FSD1L: variants seen among roughly 807,000 people sequenced by gnomAD.
FSD1L encodes fibronectin type III and SPRY domain containing 1 like.
A neutral mutation model predicts 71.6 loss-of-function variants in FSD1L; 45 were observed. The observed-to-expected ratio is 0.63, with a 90% CI of 0.49 to 0.81. FSD1L has a LOEUF of 0.81. Ranked by LOEUF, FSD1L falls within the 30% of genes least tolerant of loss-of-function variation. The pLI is 0.00. For synonymous variants in FSD1L, 197 were observed against 207.2 expected (o/e 0.95, Z 0.42); for missense variants, 561 against 618.1 (o/e 0.91, Z 0.98).
intron 9 of FSD1L, among the ~76,000 whole-genome samples, chr9:105,509,194 C>G (rs1267817241): frequency 6.6e-6 from 1 of 152,110 alleles, no homozygotes; most frequent in Non-Finnish European, 1.5e-5. Context: ...CTTGAGAGAT[C>G]AATATGCTAG....
intron 3 of FSD1L, among the ~76,000 whole-genome samples, chr9:105,465,508 T>G (rs1299661298): frequency 1.3e-5 from 2 of 152,052 alleles, no homozygotes; most frequent in African/African-American, 4.8e-5. Context: ...AAATCCTCAA[T>G]AAAATACTAG....
At chr9:105,517,537 C>A (rs942662898) in intron 10 of FSD1L, among the ~76,000 whole-genome samples, 6 of 152,136 alleles carry the variant, frequency 3.9e-5, no homozygotes, top group African/African-American at 1.4e-4. Context: ...ATTTTCAACC[C>A]AGAATTTCAT....
chr9:105,464,539 A>G (rs1232949943), intron 3 of FSD1L, among the ~76,000 whole-genome samples: 2 of 152,234 alleles, frequency 1.3e-5, no homozygotes, highest in African/African-American at 4.8e-5. Flanking sequence ...AAACTCTGGA[A>G]TAGTAGTTGT....
chr9:105,546,771 T>C lies in FSD1L; in HGVS notation c.*288T>C, dbSNP rs1347868541. 1 of 193,484 alleles carries C rather than the reference T, an allele frequency of 5.2e-6. No individual in the cohort carries two copies. Among genetic ancestry groups the C allele is most frequent in the Non-Finnish European group, 1.0e-5 (1 of 97,340 alleles). The allele number at this position is 193,484 out of a possible 1,614,324, so 12.0% of individuals were successfully genotyped here. On this transcript the variant is annotated 3_prime_UTR_variant, in exon 14 of 14. Transcript: ENST00000481272. Reference sequence around the variant, plus strand: ...CTCATTTTTGTATTTCTTGGATTACTTTGACTATTCTAATGTTTAATTACA... The same window carrying C: ...CTCATTTTTGTATTTCTTGGATTACCTTGACTATTCTAATGTTTAATTACA...
In FSD1L at chr9:105,531,360, C is replaced by A. The variant is rs141507533; in HGVS notation, c.1026-3133C>A. Among the ~76,000 whole-genome samples the A allele has an allele frequency of 5.5e-3, 843 of 152,318 alleles. 10 individuals carry two copies. Among genetic ancestry groups the A allele is most frequent in the African/African-American group, 0.02 (816 of 41,578 alleles). ...TTTAACCTCTCCTCTCCTTTCATTTCATTCTTACCTAGTTACCCAAAACAA... is the reference window on the plus strand; with the variant it reads ...TTTAACCTCTCCTCTCCTTTCATTTAATTCTTACCTAGTTACCCAAAACAA... On this transcript the variant is annotated intron_variant, in intron 10 of 13. Coordinates refer to ENST00000481272, the MANE Select transcript of FSD1L (RefSeq NM_001145313.3).
intron 6 of FSD1L, 21 bp from the exon 7 acceptor site, chr9:105,484,360 G>A (rs1434439396): frequency 1.4e-6 from 2 of 1,444,936 alleles, no homozygotes; most frequent in Non-Finnish European, 1.8e-6. Flanking sequence ...ATTTTAAAAA[G>A]TATGTTTGTG....
intron 10 of FSD1L, chr9:105,523,314 G>A (rs1267188930): frequency 4.4e-6 from 7 of 1,589,926 alleles, no homozygotes; most frequent in South Asian, 2.2e-5. Context: ...TCTGCAGCTC[G>A]ATGAGAAGCT....
intron 4 of FSD1L, among the ~76,000 whole-genome samples, chr9:105,470,036 G>T (rs1354227375): frequency 6.6e-6 from 1 of 152,042 alleles, no homozygotes; most frequent in African/African-American, 2.4e-5. Context: ...CTATTGTTTG[G>T]CCTTAGTACC....
intron 13 of FSD1L, among the ~76,000 whole-genome samples, chr9:105,540,080 G>T (rs1407230487): frequency 6.6e-6 from 1 of 151,970 alleles, no homozygotes; most frequent in African/African-American, 2.4e-5. Flanking sequence ...GAAATGGTTG[G>T]TTATGCTAAT....
At chr9:105,464,695 G>A (rs773309353) in intron 3 of FSD1L, among the ~76,000 whole-genome samples, 17 of 152,198 alleles carry the variant, frequency 1.1e-4, no homozygotes, top group African/African-American at 3.4e-4. Flanking sequence ...TTTTGGCTAC[G>A]TGTGATGGCT....
chr9:105,461,755 T>G (rs1353820447), intron 2 of FSD1L, 140 bp downstream of exon 2: 1 of 570,440 alleles, frequency 1.8e-6, no homozygotes. Flanking sequence ...GGATCATGCC[T>G]GTAATCCCAA....
At chr9:105,539,783 A>T (rs1454275198) in intron 13 of FSD1L, among the ~76,000 whole-genome samples, 1 of 152,078 alleles carries the variant, frequency 6.6e-6, no homozygotes, top group Non-Finnish European at 1.5e-5. Flanking sequence ...TTGACTCAAC[A>T]TTATGCTTGT....
chr9:105,520,215 C>G (rs1008410708), intron 10 of FSD1L: 3 of 1,611,002 alleles, frequency 1.9e-6, no homozygotes, highest in African/African-American at 2.7e-5. Flanking sequence ...TCGCCTCAAG[C>G]ACCTGCGCAT....
intron 2 of FSD1L, among the ~76,000 whole-genome samples, chr9:105,462,137 T>C (rs1830739552): frequency 6.6e-6 from 1 of 152,120 alleles, no homozygotes. Context: ...GGAGATTTTA[T>C]TTTTTGCTCT....
chr9:105,545,238 G>A (rs1480319238), intron 13 of FSD1L, among the ~76,000 whole-genome samples: 3 of 135,946 alleles, frequency 2.2e-5, no homozygotes, highest in Non-Finnish European at 3.1e-5. Context: ...TGTTATTGGT[G>A]TATAGGAATG....
rs890026721 is a variant in FSD1L, at chr9:105,452,625, G to A, written c.15+4390G>A. The stretch of plus-strand genomic sequence containing the variant: ...CCCTCCCTCCCTCCTGTGGGCGCTC[G>A]CTCGCCTGCCTGCCTGCCTGCCTGC... On this transcript the variant is annotated intron_variant, in intron 1 of 13. Transcript: ENST00000481272. 2.7e-5 allele frequency among the ~76,000 whole-genome samples: 4 copies of A among 148,580 alleles called. No individual in the cohort carries two copies. The East Asian group carries it at 8.3e-4, about 31-fold the overall frequency.
chr9:105,455,173 C>A (rs1830286391), intron 1 of FSD1L, among the ~76,000 whole-genome samples: 1 of 152,158 alleles, frequency 6.6e-6, no homozygotes, highest in Non-Finnish European at 1.5e-5. Flanking sequence ...GGCAGACTCA[C>A]CTGAATGTGT....
chr9:105,468,852 C>T (rs1001768895), intron 4 of FSD1L, among the ~76,000 whole-genome samples: 11 of 152,250 alleles, frequency 7.2e-5, no homozygotes, highest in African/African-American at 2.6e-4. Context: ...TAAATATATT[C>T]ACATTTTTGT....
At chr9:105,496,918 G>T (rs189961825) in intron 7 of FSD1L, among the ~76,000 whole-genome samples, 1 of 152,342 alleles carries the variant, frequency 6.6e-6, no homozygotes, top group East Asian at 1.9e-4. Context: ...GCAGTAGAAA[G>T]AGGGGGATCC....
Sources: gnomAD v4.1 joint callset for allele counts (sites outside exome capture counted in the v4.1 genomes callset) on GRCh38, gnomAD v4.1.1 for gene constraint, MANE v1.5 for transcripts, NCBI Gene and HGNC (gene_info 2026-07-23, HGNC 2026-07-21) for gene names.